Variants in CSRNP3 observed in about 807,000 individuals in gnomAD.
The protein encoded by CSRNP3 is cysteine and serine rich nuclear protein 3.
In CSRNP3, 12 loss-of-function variants were observed where a neutral mutation model predicts 48.0. The observed-to-expected ratio is 0.25, with a 90% CI of 0.16 to 0.41. CSRNP3 has a LOEUF of 0.41. Among genes scored for constraint, CSRNP3 ranks in the 10% least tolerant of loss-of-function variants. CSRNP3 has a pLI of 1.00. For missense variants in CSRNP3, 580 were observed against 724.4 expected (o/e 0.80, Z 2.29); for synonymous variants, 263 against 269.7 (o/e 0.98, Z 0.24).
chr2:165,657,323 T>C (rs1008728974), intron 4 of CSRNP3, among the ~76,000 whole-genome samples: 1 of 152,220 alleles, frequency 6.6e-6, no homozygotes, highest in Admixed American at 6.5e-5. Context: ...TTGTAATTAA[T>C]TTCTTACTGT....
intron 4 of CSRNP3, among the ~76,000 whole-genome samples, chr2:165,639,193 T>C (rs972961956): frequency 6.6e-6 from 1 of 152,150 alleles, no homozygotes; most frequent in Non-Finnish European, 1.5e-5. Context: ...TGGGGGCCTT[T>C]TCAAACAGGA....
intron 3 of CSRNP3, among the ~76,000 whole-genome samples, chr2:165,592,156 A>T (rs2105292319): frequency 6.6e-6 from 1 of 152,334 alleles, no homozygotes; most frequent in South Asian, 2.1e-4. Flanking sequence ...AAATGAGATC[A>T]TTTTGGAACT....
At chr2:165,558,897 T>C (rs1334377407) in intron 3 of CSRNP3, among the ~76,000 whole-genome samples, 1 of 152,190 alleles carries the variant, frequency 6.6e-6, no homozygotes, top group Non-Finnish European at 1.5e-5. Flanking sequence ...GCCATGATTA[T>C]TCTCATTATT....
At chr2:165,631,690 T>C (rs1006799544) in intron 4 of CSRNP3, among the ~76,000 whole-genome samples, 7 of 152,252 alleles carry the variant, frequency 4.6e-5, no homozygotes, top group African/African-American at 1.7e-4. Context: ...GCTTAAATTA[T>C]ATTTTTATAG....
rs912595561 is a variant in CSRNP3 at position 165,686,907 on chromosome 2, G to A, written c.*7154G>A. On this transcript the variant is annotated 3_prime_UTR_variant, in exon 7 of 7. Transcript: ENST00000651982. ...CTTCAAATTTATGGTCCTGAGACTAGGAGGGATCTCCAGAGGTCATATGGC... is the reference window on the plus strand; with the variant it reads ...CTTCAAATTTATGGTCCTGAGACTAAGAGGGATCTCCAGAGGTCATATGGC... The A allele has an allele frequency of 1.3e-5, 2 of 152,028 alleles. No homozygotes were observed. The highest frequency in any genetic ancestry group is 2.9e-5 in the Non-Finnish European group (2 of 67,976). 9.4% of individuals were successfully genotyped at this position (152,028 alleles called of 1,614,324 possible). A position where few individuals can be genotyped will look rare whatever the true frequency, so the allele number is the denominator to read the frequency against.
At chr2:165,668,401 CTTTT>C (rs71393687) in intron 5 of CSRNP3, among the ~76,000 whole-genome samples, 1,115 of 111,482 alleles carry the variant, frequency 0.01, 5 homozygotes, top group Middle Eastern at 0.025. Flanking sequence ...TTCTTTCTTT[CTTTT>C]TTTTTTTTTT....
chr2:165,480,081 T>A (rs1574794074), intron 1 of CSRNP3, among the ~76,000 whole-genome samples: 1 of 152,250 alleles, frequency 6.6e-6, no homozygotes, highest in East Asian at 1.9e-4. Context: ...TCCTGCTGCC[T>A]GTCAGCCGGC....
chr2:165,490,088 A>G (rs1205792621), intron 1 of CSRNP3, among the ~76,000 whole-genome samples: 22 of 151,078 alleles, frequency 1.5e-4, no homozygotes, highest in African/African-American at 4.9e-4. Flanking sequence ...CTGATAAGCA[A>G]CTTCAGCAAA....
chr2:165,669,886 A>C (rs963739449), intron 5 of CSRNP3, among the ~76,000 whole-genome samples: 1 of 152,200 alleles, frequency 6.6e-6, no homozygotes, highest in Non-Finnish European at 1.5e-5. Context: ...TACAACATAG[A>C]TACATGCATA....
chr2:165,502,757 CT>C (rs1684374497), intron 2 of CSRNP3, among the ~76,000 whole-genome samples: 1 of 151,664 alleles, frequency 6.6e-6, no homozygotes, highest in Non-Finnish European at 1.5e-5. Context: ...CTCTCTTCCC[CT>C]GTCTCTCTCT....
chr2:165,556,555 G>C (rs975606040), intron 3 of CSRNP3, among the ~76,000 whole-genome samples: 1 of 151,972 alleles, frequency 6.6e-6, no homozygotes, highest in African/African-American at 2.4e-5. Context: ...GGATGAAGAG[G>C]GACCTGCATG....
chr2:165,474,577 T>C (rs946796385), intron 1 of CSRNP3, among the ~76,000 whole-genome samples: 1 of 152,190 alleles, frequency 6.6e-6, no homozygotes, highest in Admixed American at 6.6e-5. Context: ...TCATTTTACC[T>C]ATGACAAAAT....
chr2:165,480,624 C>T (rs181244154), intron 1 of CSRNP3, among the ~76,000 whole-genome samples: 2,058 of 151,718 alleles, frequency 0.014, 19 homozygotes, highest in Non-Finnish European at 0.022. Flanking sequence ...CCAATGCACC[C>T]TTAAAGAAAT....
intron 4 of CSRNP3, among the ~76,000 whole-genome samples, chr2:165,599,694 A>C (rs1036956392): frequency 3.9e-5 from 6 of 152,182 alleles, no homozygotes; most frequent in African/African-American, 9.7e-5. Flanking sequence ...TTGATATACA[A>C]ATTTTTAGGA....
At chr2:165,627,890 A>G (rs1158786455) in intron 4 of CSRNP3, among the ~76,000 whole-genome samples, 1 of 152,178 alleles carries the variant, frequency 6.6e-6, no homozygotes, top group Non-Finnish European at 1.5e-5. Flanking sequence ...CAGTCAATAA[A>G]TGGAGAGCTG....
chr2:165,588,740 A>G (rs1427471905), intron 3 of CSRNP3, among the ~76,000 whole-genome samples: 1 of 152,126 alleles, frequency 6.6e-6, no homozygotes, highest in African/African-American at 2.4e-5. Flanking sequence ...GGGTTGCTTG[A>G]GGCCAGGTGT....
chr2:165,536,894 A>G lies in CSRNP3; in HGVS notation c.-24+18933A>G, dbSNP rs936624017. ...AAAATAATATGGATTAACATTAATT[A>G]ATATATATTAAGATCTGCCATAAGA... On this transcript the variant is annotated intron_variant, in intron 3 of 6. Transcript: ENST00000651982. 2.0e-5 allele frequency among the ~76,000 whole-genome samples: 3 copies of G among 151,872 alleles called. No homozygotes were observed. The East Asian group carries it at 5.8e-4, about 29-fold the overall frequency.
chr2:165,518,641 G>A (rs147659668), intron 3 of CSRNP3, among the ~76,000 whole-genome samples: 28 of 151,922 alleles, frequency 1.8e-4, no homozygotes, highest in African/African-American at 6.0e-4. Flanking sequence ...TAGTCTAATT[G>A]GATACCTTGA....
At chr2:165,493,010 G>A (rs1684239735) in intron 1 of CSRNP3, among the ~76,000 whole-genome samples, 1 of 151,436 alleles carries the variant, frequency 6.6e-6, no homozygotes, top group Non-Finnish European at 1.5e-5. Flanking sequence ...ATAAGGTAGA[G>A]GTAAGTCTGT....
Sources: gnomAD v4.1 joint callset for allele counts (sites outside exome capture counted in the v4.1 genomes callset) on GRCh38, gnomAD v4.1.1 for gene constraint, MANE v1.5 for transcripts, NCBI Gene and HGNC (gene_info 2026-07-23, HGNC 2026-07-21) for gene names.